Variants in TNFAIP8 observed in about 807,000 individuals in gnomAD.
TNFAIP8 encodes the protein tumor necrosis factor alpha-induced protein 8.
Under a neutral mutation model 13.3 loss-of-function variants are expected in TNFAIP8, and 7 were observed. That is an observed-to-expected ratio of 0.52 (90% CI 0.30 to 0.99). TNFAIP8 has a LOEUF of 0.99. Ranked by LOEUF, TNFAIP8 falls within the 50% of genes least tolerant of loss-of-function variation. The pLI, the probability that TNFAIP8 is intolerant of heterozygous loss-of-function variation, is 0.07. For synonymous variants in TNFAIP8, 94 were observed against 87.6 expected (o/e 1.07, Z -0.41); for missense variants, 258 against 236.9 (o/e 1.09, Z -0.58).
Position 119,393,666 on chromosome 5 carries a change from C to G in TNFAIP8, c.*285C>G, listed in dbSNP as rs565594275. 8.0e-5 allele frequency: 27 copies of G among 336,174 alleles called. No individual in the cohort carries two copies. The East Asian group carries it at 1.4e-3, about 17-fold the overall frequency. The allele number at this position is 336,174 out of a possible 1,614,324, so 20.8% of individuals were successfully genotyped here. ...TATACAAAGAAAAATACAGATGTCT[C>G]CAGACCTGAGGACTTTTTAATAGGG... On this transcript the variant is annotated 3_prime_UTR_variant, in exon 2 of 2. Coordinates refer to ENST00000504771, the MANE Select transcript of TNFAIP8 (RefSeq NM_014350.4).
chr5:119,274,099 G>A (rs1314992050), intron 1 of TNFAIP8, among the ~76,000 whole-genome samples: 1 of 152,120 alleles, frequency 6.6e-6, no homozygotes. Flanking sequence ...CAGAGATTGT[G>A]GTGTGTGCTA....
rs1158545485 is a variant in TNFAIP8 at position 119,296,265 on chromosome 5, T to G, written c.1+27358T>G. Among the ~76,000 whole-genome samples, 754 of 150,464 alleles carry G rather than the reference T, an allele frequency of 5.0e-3. 4 individuals are homozygous for G. The highest frequency in any genetic ancestry group is 0.013 in the African/African-American group (533 of 39,892). On this transcript the variant is annotated intron_variant, in intron 1 of 1. Coordinates refer to the TNFAIP8 transcript ENST00000274456. ...TCAGTATGATATTGGCTGTGGGTTT[T>G]TCATAGATAGCTCTTATTATTTGAG...
intron 1 of TNFAIP8, among the ~76,000 whole-genome samples, chr5:119,358,689 C>A (rs1007061622): frequency 3.9e-5 from 6 of 152,054 alleles, no homozygotes; most frequent in African/African-American, 7.2e-5. Context: ...GGCTGATAGC[C>A]GTGTATTTGG....
chr5:119,313,304 A>G (rs1293060447), intron 1 of TNFAIP8, among the ~76,000 whole-genome samples: 1 of 152,220 alleles, frequency 6.6e-6, no homozygotes, highest in East Asian at 1.9e-4. Context: ...CACAAGCTCA[A>G]AGGAGTTTTA....
intron 1 of TNFAIP8, among the ~76,000 whole-genome samples, chr5:119,286,962 G>A (rs1748818001): frequency 6.6e-6 from 1 of 152,100 alleles, no homozygotes; most frequent in Non-Finnish European, 1.5e-5. Flanking sequence ...TGTCTCCTTT[G>A]GTTCCCATTT....
chr5:119,366,409 G>A (rs1751860114), intron 1 of TNFAIP8, among the ~76,000 whole-genome samples: 1 of 152,306 alleles, frequency 6.6e-6, no homozygotes, highest in Non-Finnish European at 1.5e-5. Context: ...ACAAGGATGT[G>A]ACATTGAGGA....
At chr5:119,350,266 T>C (rs182838997) in intron 1 of TNFAIP8, among the ~76,000 whole-genome samples, 1 of 152,232 alleles carries the variant, frequency 6.6e-6, no homozygotes, top group African/African-American at 2.4e-5. Flanking sequence ...GCCGCTACTA[T>C]GTTGAATTTA....
rs973593989 is a variant in TNFAIP8 at position 119,281,807 on chromosome 5, T to G, written c.1+12900T>G. Among the ~76,000 whole-genome samples the G allele has an allele frequency of 2.0e-5, 3 of 152,238 alleles. No individual in the cohort carries two copies. The East Asian group carries it at 5.8e-4, about 29-fold the overall frequency. On this transcript the variant is annotated intron_variant, in intron 1 of 1. Coordinates refer to the TNFAIP8 transcript ENST00000274456. The stretch of plus-strand genomic sequence containing the variant: ...TGTCTCTAGACATTTTGATTGAAGC[T>G]CTTTCTCTAGTAGATTTAATAGGAG...
At chr5:119,319,481 CCTAT>C (rs1290381912) in intron 1 of TNFAIP8, among the ~76,000 whole-genome samples, 6 of 152,132 alleles carry the variant, frequency 3.9e-5, no homozygotes, top group Non-Finnish European at 8.8e-5. Context: ...CAAATTTTCT[CCTAT>C]CTGAGAGTCT....
At chr5:119,285,613 T>C (rs1446597119) in intron 1 of TNFAIP8, among the ~76,000 whole-genome samples, 1 of 152,226 alleles carries the variant, frequency 6.6e-6, no homozygotes, top group African/African-American at 2.4e-5. Flanking sequence ...TTAACTATAC[T>C]AACATACAAG....
At chr5:119,287,340 T>TAA (rs35131683) in intron 1 of TNFAIP8, among the ~76,000 whole-genome samples, 2 of 143,314 alleles carry the variant, frequency 1.4e-5, no homozygotes, top group Non-Finnish European at 3.0e-5. Context: ...AATTGACACA[T>TAA]AAAAATTGTA....
At chr5:119,295,676 G>T (rs1331212285) in intron 1 of TNFAIP8, among the ~76,000 whole-genome samples, 6 of 152,286 alleles carry the variant, frequency 3.9e-5, no homozygotes, top group Non-Finnish European at 8.8e-5. Context: ...GAAAGTCATT[G>T]CTAGCTTGAT....
chr5:119,322,259 C>T (rs1316261186), intron 1 of TNFAIP8, among the ~76,000 whole-genome samples: 1 of 152,234 alleles, frequency 6.6e-6, no homozygotes, highest in African/African-American at 2.4e-5. Flanking sequence ...TGTCACTGCT[C>T]TATCCCCAGC....
intron 1 of TNFAIP8, among the ~76,000 whole-genome samples, chr5:119,348,573 G>C (rs1750992197): frequency 6.6e-6 from 1 of 152,098 alleles, no homozygotes; most frequent in Non-Finnish European, 1.5e-5. Context: ...TGCTTCACCA[G>C]CCAGGTAGAG....
chr5:119,383,174 C>G (rs922545299), intron 1 of TNFAIP8, among the ~76,000 whole-genome samples: 4 of 152,196 alleles, frequency 2.6e-5, no homozygotes, highest in African/African-American at 9.7e-5. Context: ...GTAAGAGAAG[C>G]TAGCTAATGC....
chr5:119,311,045 C>T (rs1316992023), intron 1 of TNFAIP8, among the ~76,000 whole-genome samples: 2 of 152,028 alleles, frequency 1.3e-5, no homozygotes, highest in African/African-American at 4.8e-5. Flanking sequence ...TTTTTTGAGA[C>T]AAGGTCTTGC....
intron 1 of TNFAIP8, among the ~76,000 whole-genome samples, chr5:119,286,749 GT>G (rs1748811239): frequency 1.3e-5 from 2 of 152,144 alleles, no homozygotes; most frequent in African/African-American, 2.4e-5. Context: ...CAGTCACAGT[GT>G]TAGTGCGGGA....
chr5:119,281,522 AC>A (rs981958534), intron 1 of TNFAIP8, among the ~76,000 whole-genome samples: 6 of 152,130 alleles, frequency 3.9e-5, no homozygotes, highest in African/African-American at 1.4e-4. Context: ...CTATTTGATT[AC>A]CCCATATTAC....
chr5:119,339,866 C>T (rs2112725656), intron 1 of TNFAIP8, among the ~76,000 whole-genome samples: 1 of 152,270 alleles, frequency 6.6e-6, no homozygotes, highest in Admixed American at 6.5e-5. Flanking sequence ...ACCTTAATCA[C>T]CATATTTGAT....
Sources: gnomAD v4.1 joint callset for allele counts (sites outside exome capture counted in the v4.1 genomes callset) on GRCh38, gnomAD v4.1.1 for gene constraint, MANE v1.5 for transcripts, NCBI Gene and HGNC (gene_info 2026-07-23, HGNC 2026-07-21) for gene names.